The following CACHD1 variants were observed in gnomAD, a reference collection of about 807,000 sequenced individuals.
CACHD1 encodes the protein cache domain containing 1.
In CACHD1, 71 loss-of-function variants were observed where a neutral mutation model predicts 138.7. The ratio of observed to expected loss-of-function variants is 0.51; its 90% CI spans 0.42 to 0.62. The LOEUF (loss-of-function observed/expected upper bound fraction) is 0.62, where lower values mean the gene tolerates loss of function less well. Among genes scored for constraint, CACHD1 ranks in the 20% least tolerant of loss-of-function variants. The pLI, the probability that CACHD1 is intolerant of heterozygous loss-of-function variation, is 0.00. For synonymous variants in CACHD1, 578 were observed against 591.5 expected (o/e 0.98, Z 0.33); for missense variants, 1,389 against 1,625.3 (o/e 0.85, Z 2.50).
intron 2 of CACHD1, among the ~76,000 whole-genome samples, chr1:64,575,122 C>T (rs184658543): frequency 2.6e-5 from 4 of 152,194 alleles, no homozygotes; most frequent in African/African-American, 9.6e-5. Context: ...AAGAATAATC[C>T]CTTGTATTTG....
chr1:64,523,600 G>A (rs951530361), intron 1 of CACHD1, among the ~76,000 whole-genome samples: 13 of 152,152 alleles, frequency 8.5e-5, no homozygotes, highest in Non-Finnish European at 1.5e-4. Context: ...TAAACCTGTG[G>A]CTCACAGTGC....
chr1:64,653,663 G>A lies in CACHD1; in HGVS notation c.1541-95G>A. 3 of 1,274,094 alleles carry A rather than the reference G, an allele frequency of 2.4e-6. No homozygotes were observed. The South Asian group carries it at 4.5e-5, about 19-fold the overall frequency. 78.9% of individuals were successfully genotyped at this position (1,274,094 alleles called of 1,614,324 possible). ...TGCAGAATGAGAAGTTGAGTATCGG[G>A]CAGCCAGCCCAGAGTACCCCATATT... On this transcript the variant is annotated intron_variant, in intron 10 of 26. Coordinates refer to ENST00000651257, the MANE Select transcript of CACHD1 (RefSeq NM_020925.4).
intron 2 of CACHD1, among the ~76,000 whole-genome samples, chr1:64,555,826 A>G (rs1275853249): frequency 2.0e-5 from 3 of 152,104 alleles, no homozygotes; most frequent in Non-Finnish European, 4.4e-5. Context: ...TTCTTCCCCC[A>G]TATGTGTTTT....
intron 1 of CACHD1, among the ~76,000 whole-genome samples, chr1:64,490,834 T>C (rs974341085): frequency 5.3e-5 from 8 of 152,202 alleles, no homozygotes; most frequent in Non-Finnish European, 8.8e-5. Context: ...CTTTTTCAGT[T>C]ATAACCTTTT....
chr1:64,689,347 T>A (rs1054722625), intron 26 of CACHD1, among the ~76,000 whole-genome samples: 2 of 152,190 alleles, frequency 1.3e-5, no homozygotes, highest in African/African-American at 4.8e-5. Flanking sequence ...CCTTATAACT[T>A]GAAGTTGTAG....
chr1:64,479,542 A>G (rs1646196774), intron 1 of CACHD1, among the ~76,000 whole-genome samples: 1 of 152,190 alleles, frequency 6.6e-6, no homozygotes, highest in African/African-American at 2.4e-5. Context: ...AAGAAAGGGC[A>G]TAAATAGAGG....
intron 4 of CACHD1, among the ~76,000 whole-genome samples, chr1:64,608,463 C>T (rs1287987325): frequency 3.3e-5 from 5 of 152,054 alleles, no homozygotes; most frequent in Non-Finnish European, 7.3e-5. Context: ...ATCAATGGGC[C>T]CCTAATTGAT....
At chr1:64,649,154 G>A (rs1306271770) in intron 9 of CACHD1, among the ~76,000 whole-genome samples, 1 of 152,092 alleles carries the variant, frequency 6.6e-6, no homozygotes, top group Non-Finnish European at 1.5e-5. Context: ...AAACTAGGTA[G>A]ACATTCTCTT....
intron 10 of CACHD1, among the ~76,000 whole-genome samples, chr1:64,652,937 G>A (rs1376660400): frequency 1.3e-5 from 2 of 152,106 alleles, no homozygotes; most frequent in Non-Finnish European, 2.9e-5. Flanking sequence ...CTCTCATAAA[G>A]ACACCTGTAT....
At chr1:64,637,328 A>T (rs1037866291) in intron 7 of CACHD1, among the ~76,000 whole-genome samples, 1 of 152,224 alleles carries the variant, frequency 6.6e-6, no homozygotes, top group Non-Finnish European at 1.5e-5. Flanking sequence ...GGTCACATGG[A>T]CACATGCACC....
rs779668598 is a variant in CACHD1, at chr1:64,647,861, G to A, written c.1217G>A (p.Gly406Glu). 1 of 1,614,044 alleles carries A rather than the reference G, an allele frequency of 6.2e-7. No homozygotes were observed. The highest frequency in any genetic ancestry group is 1.3e-5 in the African/African-American group (1 of 74,910). ...AGGGATCTAGCTGAACAGAATTCAG[G>A]GAAGTACGGTGTGCCAGACCGGATG... ...FLRDLAEQNS[G>E]KYGVPDRMAL... The change falls in exon 9 of 27, where the codon GGG (glycine) becomes GAG (glutamate). Residue 406 changes from glycine to glutamate, a missense_variant. Physicochemically the swap from Gly to Glu is moderately conservative, Grantham distance 98 (BLOSUM62 -2). This residue lies in a region of CACHD1 where 1,000 missense variants were observed against 1,114.7 expected (regional missense o/e 0.90). Transcript: ENST00000651257.
At chr1:64,502,190 A>G (rs1321187105) in intron 1 of CACHD1, among the ~76,000 whole-genome samples, 1 of 152,246 alleles carries the variant, frequency 6.6e-6, no homozygotes, top group Non-Finnish European at 1.5e-5. Context: ...TTGCAAGTAG[A>G]TGCCTTTCCC....
intron 1 of CACHD1, among the ~76,000 whole-genome samples, chr1:64,485,538 T>C (rs1646237042): frequency 6.6e-6 from 1 of 152,232 alleles, no homozygotes; most frequent in Non-Finnish European, 1.5e-5. Flanking sequence ...CACAGTTTGC[T>C]TACCCATTCA....
At chr1:64,509,984 C>A (rs1369431555) in intron 1 of CACHD1, among the ~76,000 whole-genome samples, 1 of 152,182 alleles carries the variant, frequency 6.6e-6, no homozygotes, top group African/African-American at 2.4e-5. Flanking sequence ...CACATACATA[C>A]ATTTCACATT....
chr1:64,644,789 G>A (rs1252274204), intron 8 of CACHD1, among the ~76,000 whole-genome samples: 1 of 152,208 alleles, frequency 6.6e-6, no homozygotes, highest in African/African-American at 2.4e-5. Context: ...TAAAGAATTT[G>A]TTGTCGGCTA....
chr1:64,490,421 C>T (rs1264880971), intron 1 of CACHD1, among the ~76,000 whole-genome samples: 3 of 152,272 alleles, frequency 2.0e-5, no homozygotes, highest in East Asian at 3.9e-4. Context: ...GTTTGACCTT[C>T]GAACCCTTGC....
chr1:64,691,279 G>C, intron 26 of CACHD1, 44 bp from the exon 27 acceptor site: 1 of 1,569,392 alleles, frequency 6.4e-7, no homozygotes. Context: ...TTCTGTCTGC[G>C]TCTTGAAGCT....
At chr1:64,526,406 C>G (rs1260731425) in intron 1 of CACHD1, among the ~76,000 whole-genome samples, 1 of 151,784 alleles carries the variant, frequency 6.6e-6, no homozygotes, top group Non-Finnish European at 1.5e-5. Context: ...TTTTTAAAGC[C>G]ATTTGAGAAA....
At chr1:64,668,063 T>A (rs992118777) in intron 16 of CACHD1, among the ~76,000 whole-genome samples, 11 of 151,954 alleles carry the variant, frequency 7.2e-5, no homozygotes, top group Non-Finnish European at 1.0e-4. Flanking sequence ...GCACAGTGGC[T>A]CATGCCTGTA....
Sources: gnomAD v4.1 joint callset for allele counts (sites outside exome capture counted in the v4.1 genomes callset) on GRCh38, gnomAD v4.1.1 for gene constraint, gnomAD v4.1.1 regional missense constraint, MANE v1.5 for transcripts, NCBI Gene and HGNC (gene_info 2026-07-23, HGNC 2026-07-21) for gene names.